The following SEPSECS variants were observed in gnomAD, a reference collection of about 807,000 sequenced individuals.
The protein encoded by SEPSECS is O-phosphoseryl-tRNA(Sec) selenium transferase.
A neutral mutation model predicts 52.1 loss-of-function variants in SEPSECS; 42 were observed. That is an observed-to-expected ratio of 0.81 (90% CI 0.63 to 1.04). The LOEUF (loss-of-function observed/expected upper bound fraction) is 1.04, where lower values mean the gene tolerates loss of function less well. SEPSECS is among the 50% of genes least tolerant of loss of function. The probability of loss-of-function intolerance (pLI) is 0.00; values close to 1 mark genes in which losing one functional copy is unlikely to be tolerated. For synonymous variants in SEPSECS, 216 were observed against 211.4 expected (o/e 1.02, Z -0.19); for missense variants, 590 against 610.6 (o/e 0.97, Z 0.36).
At chr4:25,133,549 T>G (rs1194637443) in intron 8 of SEPSECS, among the ~76,000 whole-genome samples, 1 of 152,134 alleles carries the variant, frequency 6.6e-6, no homozygotes, top group Non-Finnish European at 1.5e-5. Context: ...CATCTACAAG[T>G]AGTCAAAAAT....
chr4:25,145,042 T>C lies in SEPSECS; in HGVS notation c.896A>G (p.Asn299Ser). Reference sequence around the variant, plus strand: ...GCTGATTTCCTGAATGAATGAATCATTAAAGCCAGCAATTATAGCACCACC... The same window carrying C: ...GCTGATTTCCTGAATGAATGAATCACTAAAGCCAGCAATTATAGCACCACC... ...PVGGAIIAGF[N>S]DSFIQEISKM... Residue 299 changes from asparagine to serine, a missense_variant, in exon 7 of 11, where the codon AAT (asparagine) becomes AGT (serine). Physicochemically the swap from Asn to Ser is conservative, Grantham distance 46. Transcript: ENST00000382103. The C allele has an allele frequency of 6.2e-7, 1 of 1,613,998 alleles. No individual in the cohort carries two copies. Among genetic ancestry groups the C allele is most frequent in the Non-Finnish European group, 8.5e-7 (1 of 1,179,928 alleles).
At chr4:25,160,029 C>CG in intron 1 of SEPSECS, 2 of 985,422 alleles carry the variant, frequency 2.0e-6, no homozygotes, top group Non-Finnish European at 2.4e-6. Context: ...CTCAAAACCC[C>CG]GACCCCAACA....
rs1228958177 is a variant in SEPSECS, at chr4:25,160,329, G to A, written c.41C>T (p.Ser14Leu). 3.9e-6 allele frequency: 6 copies of A among 1,548,664 alleles called. No individual in the cohort carries two copies. The highest frequency in any genetic ancestry group is 5.2e-6 in the Non-Finnish European group (6 of 1,145,886). ...ESFAAGERLVSPAYVRQGCEA... is the reference protein window; with the variant it reads ...ESFAAGERLVLPAYVRQGCEA... ...ACAGCCCTGCCGCACGTAAGCCGGCGACACCAGCCGCTCTCCCGCCGCGAA... is the reference window on the plus strand; with the variant it reads ...ACAGCCCTGCCGCACGTAAGCCGGCAACACCAGCCGCTCTCCCGCCGCGAA... The change falls in exon 1 of 11, where the codon TCG becomes TTG. Residue 14 changes from serine (S) to leucine (L), a missense_variant. Physicochemically the swap from Ser to Leu is moderately radical, Grantham distance 145. Coordinates refer to ENST00000382103, the MANE Select transcript of SEPSECS (RefSeq NM_016955.4).
rs777102520 is a variant in SEPSECS at position 25,124,159 on chromosome 4, T to A, written c.1278A>T (p.Thr426=). 6.2e-7 allele frequency: 1 copy of A among 1,613,716 alleles called. No individual in the cohort carries two copies. ...GYTFRGFMSH[T]NNYPCAYLNA... ...TGAGGTAAGCACAAGGGTAATTATT[T>A]GTATGTGACATAAAGCCTCTGAAAG... The change falls in exon 11 of 11, where the codon ACA becomes ACT. Residue 426 remains threonine (T), a synonymous_variant. Transcript: ENST00000382103.
In SEPSECS at chr4:25,156,857, A is replaced by G. The variant is rs1375987922; in HGVS notation, c.387T>C (p.Ala129=). 2 of 1,530,508 alleles carry G rather than the reference A, an allele frequency of 1.3e-6. No homozygotes were observed. The highest frequency in any genetic ancestry group is 1.8e-6 in the Non-Finnish European group (2 of 1,103,950). The allele number at this position is 1,530,508 out of a possible 1,614,324, so 94.8% of individuals were successfully genotyped here. The change falls in exon 3 of 11, where the codon GCT becomes GCC. Residue 129 remains alanine (A), a splice_region_variant and synonymous_variant. Transcript: ENST00000382103. ...CATTATGATTAAGACGGTACATACC[A>G]GCCAGCTTTATAATGTCCAGGACCA... ...NSLVLDIIKL[A]GVHTVANCFV...
At position 25,124,205 on chromosome 4, in the gene SEPSECS, A is replaced by C. The variant is rs753706371; in HGVS notation, c.1232T>G (p.Met411Arg). ...SGARVVPLGS[M>R]QTVSGYTFRG... The stretch of plus-strand genomic sequence containing the variant: ...GAAAGTATAGCCACTCACAGTTTGC[A>C]TGGACCCAAGAGGCACAACCCTGAA... Residue 411 changes from methionine to arginine, a missense_variant, in exon 11 of 11, where the codon ATG (methionine) becomes AGG (arginine). Coordinates refer to ENST00000382103, the MANE Select transcript of SEPSECS (RefSeq NM_016955.4). 6.2e-7 allele frequency: 1 copy of C among 1,613,344 alleles called. No homozygotes were observed. The highest frequency in any genetic ancestry group is 1.3e-5 in the African/African-American group (1 of 74,904).
At position 25,160,337 on chromosome 4, in the gene SEPSECS, C is replaced by T; in HGVS notation, c.33G>A (p.Arg11=). The T allele has an allele frequency of 6.5e-7, 1 of 1,548,614 alleles. No homozygotes were observed. The stretch of plus-strand genomic sequence containing the variant: ...GCCGCACGTAAGCCGGCGACACCAG[C>T]CGCTCTCCCGCCGCGAAGCTCTCGC... MNRESFAAGE[R]LVSPAYVRQG... The change falls in exon 1 of 11, where the codon CGG becomes CGA. Residue 11 remains arginine (R), a synonymous_variant. Coordinates refer to ENST00000382103, the MANE Select transcript of SEPSECS (RefSeq NM_016955.4).
chr4:25,146,804 G>C (rs1237483847), intron 6 of SEPSECS, among the ~76,000 whole-genome samples: 1 of 152,110 alleles, frequency 6.6e-6, no homozygotes, highest in African/African-American at 2.4e-5. Context: ...AAATACATCT[G>C]AATAAAAGCA....
rs149241538 is a variant in SEPSECS at position 25,157,840 on chromosome 4, C to T, written c.270-866G>A. On this transcript the variant is annotated intron_variant, in intron 2 of 10. Transcript: ENST00000382103. ...GATTACCGGCGTGAGCCACCGTGCCCGGCCAAATTATCTTTTTTCTTTACT... is the reference window on the plus strand; with the variant it reads ...GATTACCGGCGTGAGCCACCGTGCCTGGCCAAATTATCTTTTTTCTTTACT... Among the ~76,000 whole-genome samples, 65 of 152,196 alleles carry T rather than the reference C, an allele frequency of 4.3e-4. 1 individual carries two copies. The East Asian group carries it at 0.012, about 28-fold the overall frequency.
At chr4:25,131,534 G>A (rs80285692) in intron 8 of SEPSECS, among the ~76,000 whole-genome samples, 1,684 of 152,230 alleles carry the variant, frequency 0.011, 34 homozygotes, top group African/African-American at 0.034. Context: ...GGATCCAGGA[G>A]CAAGTGGCGA....
chr4:25,145,677 C>T (rs538852902), intron 6 of SEPSECS, among the ~76,000 whole-genome samples: 107 of 152,236 alleles, frequency 7.0e-4, no homozygotes, highest in African/African-American at 2.5e-3. Flanking sequence ...ACAATGGGTC[C>T]TATAACTATT....
chr4:25,157,854 T>G (rs115798835), intron 2 of SEPSECS, among the ~76,000 whole-genome samples: 2,595 of 152,288 alleles, frequency 0.017, 33 homozygotes, highest in Non-Finnish European at 0.028. Flanking sequence ...CAAATTATCT[T>G]TTTTCTTTAC....
At chr4:25,143,008 C>A (rs1437972009) in intron 8 of SEPSECS, among the ~76,000 whole-genome samples, 5 of 152,212 alleles carry the variant, frequency 3.3e-5, no homozygotes, top group Non-Finnish European at 7.3e-5. Flanking sequence ...AACAACTAAA[C>A]TCTCATAGAA....
At chr4:25,141,300 C>A (rs1711533323) in intron 8 of SEPSECS, among the ~76,000 whole-genome samples, 1 of 152,186 alleles carries the variant, frequency 6.6e-6, no homozygotes. Flanking sequence ...TTTACACTCA[C>A]TGTCTTGCAA....
intron 1 of SEPSECS, chr4:25,159,838 C>T: frequency 9.2e-7 from 1 of 1,087,460 alleles, no homozygotes; most frequent in Non-Finnish European, 1.1e-6. Flanking sequence ...GGAGGGAGAC[C>T]TGTGAAGTTC....
rs1241304704 is a variant in SEPSECS, at chr4:25,155,095, G to C, written c.604C>G (p.Leu202Val). Reference protein sequence around the residue: ...VLEGDELRTDLKAVEAKVQEL... With the variant: ...VLEGDELRTDVKAVEAKVQEL... Reference sequence around the variant, plus strand: ...TGGACTTTAGCCTCCACTGCTTTCAGGTCTGTACGCAGCTCGTCACCTTCC... The same window carrying C: ...TGGACTTTAGCCTCCACTGCTTTCACGTCTGTACGCAGCTCGTCACCTTCC... Residue 202 changes from leucine (L) to valine (V), a missense_variant, in exon 5 of 11, where the codon CTG becomes GTG. Transcript: ENST00000382103. The C allele has an allele frequency of 6.2e-7, 1 of 1,614,024 alleles. No homozygotes were observed. Among genetic ancestry groups the C allele is most frequent in the African/African-American group, 1.3e-5 (1 of 74,926 alleles).
In SEPSECS at chr4:25,138,779, T is replaced by C. The variant is rs567159279; in HGVS notation, c.1026+5995A>G. 2.0e-5 allele frequency among the ~76,000 whole-genome samples: 3 copies of C among 152,312 alleles called. No homozygotes were observed. The South Asian group carries it at 6.2e-4, about 32-fold the overall frequency. On this transcript the variant is annotated intron_variant, in intron 8 of 10. Transcript: ENST00000382103. ...CCTATGTGCCCCAAAACAAGGGCTA[T>C]CAAACATGAATCTGCACCAAAATTC...
chr4:25,135,468 A>G (rs1005383896), intron 8 of SEPSECS, among the ~76,000 whole-genome samples: 1 of 152,296 alleles, frequency 6.6e-6, no homozygotes, highest in Admixed American at 6.5e-5. Context: ...TGTAGAAGAA[A>G]TGGATAAATT....
intron 8 of SEPSECS, among the ~76,000 whole-genome samples, chr4:25,134,540 C>T (rs1039574201): frequency 8.6e-5 from 13 of 151,940 alleles, no homozygotes; most frequent in African/African-American, 2.2e-4. Context: ...ATGGCAAATT[C>T]CAAGGGGGCA....
Sources: gnomAD v4.1 joint callset for allele counts (sites outside exome capture counted in the v4.1 genomes callset) on GRCh38, gnomAD v4.1.1 for gene constraint, MANE v1.5 for transcripts, NCBI Gene and HGNC (gene_info 2026-07-23, HGNC 2026-07-21) for gene names.